The following ZNF787 variants were observed in gnomAD, a reference collection of about 807,000 sequenced individuals.
ZNF787 encodes TTF-I-interacting peptide 20.
A neutral mutation model predicts 16.9 loss-of-function variants in ZNF787; 7 were observed. The ratio of observed to expected loss-of-function variants is 0.42; its 90% CI spans 0.24 to 0.78. The LOEUF is 0.78. Among genes scored for constraint, ZNF787 ranks in the 30% least tolerant of loss-of-function variants. The pLI is 0.30. For synonymous variants in ZNF787, 345 were observed against 270.9 expected, an observed-to-expected ratio of 1.27 and a Z score of -2.69; for missense variants, 551 against 589.3, an observed-to-expected ratio of 0.94 and a Z score of 0.67.
intron 1 of ZNF787, among the ~76,000 whole-genome samples, chr19:56,113,134 T>C (rs1317017416): frequency 6.6e-6 from 1 of 151,934 alleles, no homozygotes; most frequent in Non-Finnish European, 1.5e-5. Context: ...AAGACAAATA[T>C]CTGATAGGCA....
chr19:56,114,791 C>T (rs1400532988), intron 1 of ZNF787, among the ~76,000 whole-genome samples: 1 of 152,060 alleles, frequency 6.6e-6, no homozygotes, highest in East Asian at 1.9e-4. Flanking sequence ...GTGTCCAGCA[C>T]CTGCTGCCCT....
At chr19:56,108,407 A>G (rs1599954507) in intron 1 of ZNF787, among the ~76,000 whole-genome samples, 1 of 73,894 alleles carries the variant, frequency 1.4e-5, no homozygotes, top group African/African-American at 5.1e-5. Context: ...AGAGCTCCCC[A>G]GCTCCCTCCA....
At position 56,108,041 on chromosome 19, in the gene ZNF787, G is replaced by A. The variant is rs2029881572; in HGVS notation, c.-10-4814C>T. Among the ~76,000 whole-genome samples, 3 of 152,104 alleles carry A rather than the reference G, an allele frequency of 2.0e-5. 1 individual carries two copies. The South Asian group carries it at 6.2e-4, about 31-fold the overall frequency. ...ATGGATGTGGAACATGAGGCCGGCA[G>A]GGCGAGACCCTCGGGTCCCCTGCAA... On this transcript the variant is annotated intron_variant, in intron 1 of 2. Transcript: ENST00000610935.
At chr19:56,107,520 G>T (rs1008282154) in intron 1 of ZNF787, among the ~76,000 whole-genome samples, 3 of 139,842 alleles carry the variant, frequency 2.1e-5, no homozygotes, top group Non-Finnish European at 3.3e-5. Context: ...AGACAATGGG[G>T]TCACTGGGAG....
chr19:56,087,966 T>G lies in ZNF787; in HGVS notation c.*57A>C. 7.7e-7 allele frequency: 1 copy of G among 1,297,752 alleles called. No homozygotes were observed. Among genetic ancestry groups the G allele is most frequent in the Non-Finnish European group, 9.7e-7 (1 of 1,025,892 alleles). The allele number at this position is 1,297,752 out of a possible 1,614,324, so 80.4% of individuals were successfully genotyped here. A position where few individuals can be genotyped will look rare whatever the true frequency, so the allele number is the denominator to read the frequency against. On this transcript the variant is annotated 3_prime_UTR_variant, in exon 3 of 3. Transcript: ENST00000610935. Reference sequence around the variant, plus strand: ...TCCCTGGGTCTCTTGGTCTTGCACGTCGTCGCTCCCGCCAAGCCCGAGGGG... The same window carrying G: ...TCCCTGGGTCTCTTGGTCTTGCACGGCGTCGCTCCCGCCAAGCCCGAGGGG...
At chr19:56,090,836 A>G (rs1013715998) in intron 2 of ZNF787, among the ~76,000 whole-genome samples, 1 of 152,014 alleles carries the variant, frequency 6.6e-6, no homozygotes, top group Non-Finnish European at 1.5e-5. Context: ...CAAAACAAAA[A>G]CGCTTATGCT....
chr19:56,118,444 G>A (rs1483923312), intron 1 of ZNF787, among the ~76,000 whole-genome samples: 3 of 152,220 alleles, frequency 2.0e-5, no homozygotes, highest in Non-Finnish European at 4.4e-5. Flanking sequence ...CAACCTGGGG[G>A]CGGAAGGGGG....
At chr19:56,120,685 C>T (rs1335947501) in intron 1 of ZNF787, among the ~76,000 whole-genome samples, 6 of 151,974 alleles carry the variant, frequency 3.9e-5, no homozygotes, top group Non-Finnish European at 8.8e-5. Context: ...CCGCGGTATC[C>T]GGCCAGGCCA....
intron 2 of ZNF787, among the ~76,000 whole-genome samples, chr19:56,094,343 T>C (rs755774013): frequency 9.2e-5 from 14 of 152,112 alleles, no homozygotes; most frequent in South Asian, 8.3e-4. Context: ...ATTTTGTGTG[T>C]GTGTGCTCTT....
chr19:56,107,874 G>A (rs1037059056), intron 1 of ZNF787, among the ~76,000 whole-genome samples: 1 of 149,176 alleles, frequency 6.7e-6, no homozygotes, highest in African/African-American at 2.6e-5. Flanking sequence ...TGGGGGCTGC[G>A]GAAGAGAGAG....
At chr19:56,093,918 G>A (rs139247785) in intron 2 of ZNF787, among the ~76,000 whole-genome samples, 318 of 152,270 alleles carry the variant, frequency 2.1e-3, no homozygotes, top group African/African-American at 7.4e-3. Flanking sequence ...TTTACTATCC[G>A]CTCTATTCTT....
At position 56,087,548 on chromosome 19, in the gene ZNF787, G is replaced by A. The variant is rs1985301625; in HGVS notation, c.*475C>T. 6.6e-6 allele frequency: 1 copy of A among 152,642 alleles called. No individual in the cohort carries two copies. The highest frequency in any genetic ancestry group is 1.5e-5 in the Non-Finnish European group (1 of 68,398). 9.5% of individuals were successfully genotyped at this position (152,642 alleles called of 1,614,324 possible). A position where few individuals can be genotyped will look rare whatever the true frequency, so the allele number is the denominator to read the frequency against. ...CAGAAAAAAATAATGGATTGGGGCG[G>A]GCGGGGAGTCAAAAGGTGGGCTGAT... On this transcript the variant is annotated 3_prime_UTR_variant, in exon 3 of 3. Coordinates refer to ENST00000610935, the MANE Select transcript of ZNF787 (RefSeq NM_001002836.4).
rs112356231 is a variant in ZNF787 at position 56,117,469 on chromosome 19, C to T, written c.-11+3703G>A. On this transcript the variant is annotated intron_variant, in intron 1 of 2. Transcript: ENST00000610935. ...ACAGCCACAGCGAGGCTTCCACAAG[C>T]GGAGTGGCTAGTACAATCTCACACA... 9.0e-3 allele frequency among the ~76,000 whole-genome samples: 1,322 copies of T among 146,752 alleles called. 9 individuals carry two copies. Among genetic ancestry groups the T allele is most frequent in the South Asian group, 0.019 (86 of 4,588 alleles).
intron 2 of ZNF787, among the ~76,000 whole-genome samples, chr19:56,095,033 G>C (rs1985818224): frequency 6.6e-6 from 1 of 152,194 alleles, no homozygotes; most frequent in African/African-American, 2.4e-5. Flanking sequence ...AGAATCACTT[G>C]AACCCGAGAG....
At chr19:56,115,415 G>A (rs2030105016) in intron 1 of ZNF787, among the ~76,000 whole-genome samples, 1 of 144,080 alleles carries the variant, frequency 6.9e-6, no homozygotes, top group Non-Finnish European at 1.5e-5. Context: ...CTGGAGTGCA[G>A]TGGCGCGATC....
intron 1 of ZNF787, among the ~76,000 whole-genome samples, chr19:56,109,663 G>A (rs1191147272): frequency 6.6e-6 from 1 of 152,184 alleles, no homozygotes; most frequent in Non-Finnish European, 1.5e-5. Flanking sequence ...GGAGGCCGAG[G>A]CGGGTGGATC....
intron 2 of ZNF787, among the ~76,000 whole-genome samples, chr19:56,092,784 G>A (rs1301441906): frequency 6.6e-6 from 1 of 151,834 alleles, no homozygotes; most frequent in Non-Finnish European, 1.5e-5. Context: ...ATGAGATGGC[G>A]GAACTGGGAT....
In ZNF787 at chr19:56,088,206, G is replaced by A. The variant is rs1318176850; in HGVS notation, c.966C>T (p.Cys322=). The part of the protein sequence containing the change: ...GEEPAHICVE[C]GEGFVQGAAL... ...CGGCGCCCTGCACGAAGCCCTCCCC[G>A]CACTCCACGCAGATGTGGGCCGGCT... The change falls in exon 3 of 3, where the codon TGC becomes TGT. Residue 322 remains cysteine (C), a synonymous_variant. Transcript: ENST00000610935. This position sits in a 1 kb window ranked among gnomAD's most constrained non-coding sequence, Gnocchi z 8.6. The A allele has an allele frequency of 5.2e-6, 8 of 1,528,296 alleles. No individual in the cohort carries two copies. The highest frequency in any genetic ancestry group is 3.9e-5 in the Admixed American group (2 of 51,698). The allele number at this position is 1,528,296 out of a possible 1,614,324, so 94.7% of individuals were successfully genotyped here.
chr19:56,087,951 T>A lies in ZNF787; in HGVS notation c.*72A>T. The A allele has an allele frequency of 7.7e-7, 1 of 1,294,614 alleles. No individual in the cohort carries two copies. Among genetic ancestry groups the A allele is most frequent in the Non-Finnish European group, 9.8e-7 (1 of 1,022,782 alleles). The allele number at this position is 1,294,614 out of a possible 1,614,324, so 80.2% of individuals were successfully genotyped here. The stretch of plus-strand genomic sequence containing the variant: ...CACCCCGTCCGCTTCTCCCTGGGTC[T>A]CTTGGTCTTGCACGTCGTCGCTCCC... On this transcript the variant is annotated 3_prime_UTR_variant, in exon 3 of 3. Transcript: ENST00000610935.
Sources: gnomAD v4.1 joint callset for allele counts (sites outside exome capture counted in the v4.1 genomes callset) on GRCh38, gnomAD v4.1.1 for gene constraint, Gnocchi (gnomAD v3.1) non-coding constraint, MANE v1.5 for transcripts, NCBI Gene and HGNC (gene_info 2026-07-23, HGNC 2026-07-21) for gene names.